EEF1E1: variants seen among roughly 807,000 people sequenced by gnomAD.
EEF1E1 encodes eukaryotic translation elongation factor 1 epsilon-1.
Under a neutral mutation model 19.9 loss-of-function variants are expected in EEF1E1, and 19 were observed. The ratio of observed to expected loss-of-function variants is 0.95; its 90% CI spans 0.66 to 1.40. The LOEUF is 1.40. Among genes scored for constraint, EEF1E1 ranks in the 40% most tolerant of loss-of-function variants. The pLI is 0.00. For missense variants in EEF1E1, 198 were observed against 202.2 expected (o/e 0.98, Z 0.13); for synonymous variants, 81 against 80.0 (o/e 1.01, Z -0.07).
Position 8,102,507 on chromosome 6 carries a change from TGCG to T in EEF1E1, c.12_14del (p.Ala5del), listed in dbSNP as rs779330495. On this transcript the variant is annotated inframe_deletion, in exon 1 of 4. Coordinates refer to ENST00000379715, the MANE Select transcript of EEF1E1 (RefSeq NM_004280.5). ...GGGACTTCTCCAGTAGCGACAACTC[TGCG>T]GCCGCCGCCATCTTCCGGCCGTAGC... 12 of 1,611,286 alleles carry T rather than the reference TGCG, an allele frequency of 7.4e-6. No homozygotes were observed. The highest frequency in any genetic ancestry group is 1.0e-5 in the Non-Finnish European group (12 of 1,179,972).
intron 3 of EEF1E1, among the ~76,000 whole-genome samples, chr6:8,086,672 G>A (rs1757862696): frequency 6.6e-6 from 1 of 152,160 alleles, no homozygotes; most frequent in South Asian, 2.1e-4. Context: ...CTAAGCATTA[G>A]TTTCTTTCTC....
Position 8,079,634 on chromosome 6 carries a change from G to T in EEF1E1, c.*256C>A. On this transcript the variant is annotated 3_prime_UTR_variant, in exon 4 of 4. Coordinates refer to ENST00000379715, the MANE Select transcript of EEF1E1 (RefSeq NM_004280.5). The stretch of plus-strand genomic sequence containing the variant: ...ATTTGCAACTTTTATTGAAATAAAT[G>T]TCATCTACTAAAAACAAGGTTAATT... The T allele has an allele frequency of 8.8e-7, 1 of 1,133,282 alleles. No individual in the cohort carries two copies. Among genetic ancestry groups the T allele is most frequent in the African/African-American group, 1.6e-5 (1 of 62,936 alleles). 70.2% of individuals were successfully genotyped at this position (1,133,282 alleles called of 1,614,324 possible). A position where few individuals can be genotyped will look rare whatever the true frequency, so the allele number is the denominator to read the frequency against.
intron 2 of EEF1E1, among the ~76,000 whole-genome samples, chr6:8,092,869 CT>C (rs942764776): frequency 4.8e-4 from 45 of 93,768 alleles, no homozygotes; most frequent in East Asian, 1.8e-3. Flanking sequence ...ATAAAGACTG[CT>C]TTTTTTTTTT....
intron 3 of EEF1E1, among the ~76,000 whole-genome samples, chr6:8,082,080 G>A (rs1265298582): frequency 2.0e-5 from 3 of 152,192 alleles, no homozygotes; most frequent in Non-Finnish European, 2.9e-5. Flanking sequence ...CTGAGGACTA[G>A]TATAAGTTGC....
At chr6:8,097,000 A>G (rs1758193656) in intron 2 of EEF1E1, among the ~76,000 whole-genome samples, 1 of 152,244 alleles carries the variant, frequency 6.6e-6, no homozygotes, top group Non-Finnish European at 1.5e-5. Flanking sequence ...CTGAAGGAAA[A>G]GCACAGGGTG....
chr6:8,092,651 C>G (rs970296670), intron 2 of EEF1E1, among the ~76,000 whole-genome samples: 3 of 152,058 alleles, frequency 2.0e-5, no homozygotes, highest in African/African-American at 7.2e-5. Flanking sequence ...TTTTATGGTA[C>G]TCTGTTGAAT....
At chr6:8,076,947 GTTT>G (rs70982138), downstream of EEF1E1, among the ~76,000 whole-genome samples, 8 of 113,014 alleles carry the variant, frequency 7.1e-5, no homozygotes, top group Admixed American at 1.7e-4. Context: ...TTTTGTTTTT[GTTT>G]TTTTTTTTTT....
At chr6:8,082,470 G>A (rs2815166) in intron 3 of EEF1E1, among the ~76,000 whole-genome samples, 42,198 of 151,916 alleles carry the variant, frequency 0.28, 6,381 homozygotes, top group East Asian at 0.42. Flanking sequence ...GTAGAGACGT[G>A]GTTTTGCCAT....
intron 1 of EEF1E1, chr6:8,102,044 A>G (rs979127147): frequency 8.5e-7 from 1 of 1,182,970 alleles, no homozygotes; most frequent in African/African-American, 1.6e-5. Flanking sequence ...TGTTAGCTAT[A>G]ACGGAGTCGC....
intron 2 of EEF1E1, among the ~76,000 whole-genome samples, chr6:8,097,029 C>A (rs778196507): frequency 6.6e-6 from 1 of 152,086 alleles, no homozygotes; most frequent in African/African-American, 2.4e-5. Context: ...GCATATAGAA[C>A]AAAGAACCTC....
downstream of EEF1E1, among the ~76,000 whole-genome samples, chr6:8,076,424 T>G (rs1000826554): frequency 6.6e-6 from 1 of 151,736 alleles, no homozygotes; most frequent in Non-Finnish European, 1.5e-5. Context: ...CCCGGGTTCA[T>G]GCTATTCTCC....
rs1554099258 is a variant in EEF1E1 at position 8,092,868 on chromosome 6, G to GTTGTTTTTTTTT, written c.289-2588_289-2587insAAAAAAAAACAA. Among the ~76,000 whole-genome samples the GTTGTTTTTTTTT allele has an allele frequency of 1.0e-4, 11 of 108,200 alleles. 4 individuals are homozygous for GTTGTTTTTTTTT. Among genetic ancestry groups the GTTGTTTTTTTTT allele is most frequent in the Non-Finnish European group, 9.3e-5 (5 of 53,748 alleles). 71.0% of individuals were successfully genotyped at this position (108,200 alleles called of 152,430 possible). On this transcript the variant is annotated intron_variant, in intron 2 of 3. Transcript: ENST00000379715. ...GTTTTGTGTTTTAGTGATAAAGACT[G>GTTGTTTTTTTTT]CTTTTTTTTTTTTTTTTTTTTTTTG...
At chr6:8,076,982 G>A (rs1279475007), downstream of EEF1E1, among the ~76,000 whole-genome samples, 1 of 67,004 alleles carries the variant, frequency 1.5e-5, no homozygotes, top group Non-Finnish European at 3.2e-5. Flanking sequence ...TCGCGCTGTC[G>A]CCCAGGCTGG....
intron 3 of EEF1E1, among the ~76,000 whole-genome samples, chr6:8,081,097 T>C (rs1757713606): frequency 6.6e-6 from 1 of 152,260 alleles, no homozygotes; most frequent in Non-Finnish European, 1.5e-5. Flanking sequence ...AAGTAGGCAG[T>C]ATTTTCTCAT....
chr6:8,073,564 C>T (rs1757529831), intron 3 of EEF1E1: 1 of 1,545,040 alleles, frequency 6.5e-7, no homozygotes, highest in Non-Finnish European at 8.7e-7. Context: ...TAGAATAGTG[C>T]CTGATACACA....
At chr6:8,086,072 A>G (rs1405548567) in intron 3 of EEF1E1, among the ~76,000 whole-genome samples, 1 of 152,132 alleles carries the variant, frequency 6.6e-6, no homozygotes, top group Non-Finnish European at 1.5e-5. Flanking sequence ...ATTCTAAGCC[A>G]TTACAATAAT....
chr6:8,079,760 A>T lies in EEF1E1; in HGVS notation c.*130T>A. ...ATAAAACATTCAGACACAAGTTTAC[A>T]CTTCAAAAATTCTATCAACTTCAAC... On this transcript the variant is annotated 3_prime_UTR_variant, in exon 4 of 4. Transcript: ENST00000379715. The T allele has an allele frequency of 7.5e-7, 1 of 1,340,388 alleles. No homozygotes were observed. Among genetic ancestry groups the T allele is most frequent in the East Asian group, 2.5e-5 (1 of 39,524 alleles). 83.0% of individuals were successfully genotyped at this position (1,340,388 alleles called of 1,614,324 possible). A position where few individuals can be genotyped will look rare whatever the true frequency, so the allele number is the denominator to read the frequency against.
chr6:8,102,322 G>T, intron 1 of EEF1E1, 113 bp downstream of exon 1: 1 of 1,128,314 alleles, frequency 8.9e-7, no homozygotes, highest in Non-Finnish European at 1.2e-6. Context: ...TGGGGAGCTG[G>T]GTAGCAGCAT....
At chr6:8,088,686 C>A (rs1757933863) in intron 3 of EEF1E1, among the ~76,000 whole-genome samples, 1 of 152,156 alleles carries the variant, frequency 6.6e-6, no homozygotes, top group Admixed American at 6.6e-5. Context: ...TCAAGTATGT[C>A]TTTATCAGCA....
Sources: allele counts gnomAD v4.1 joint callset (sites outside exome capture counted in the v4.1 genomes callset), GRCh38; gene constraint gnomAD v4.1.1; transcripts MANE v1.5; gene names NCBI Gene and HGNC (gene_info 2026-07-23, HGNC 2026-07-21).